Variants in LUC7L observed in about 807,000 individuals in gnomAD.
LUC7L encodes the protein LUC7 like, also known as putative RNA-binding protein Luc7-like 1.
A neutral mutation model predicts 51.1 loss-of-function variants in LUC7L; 29 were observed. The observed-to-expected ratio is 0.57, with a 90% CI of 0.42 to 0.77. The LOEUF (loss-of-function observed/expected upper bound fraction) is 0.77. Ranked by LOEUF, LUC7L falls within the 30% of genes least tolerant of loss-of-function variation. LUC7L has a pLI of 0.00. For missense variants in LUC7L, 403 were observed against 511.9 expected, an observed-to-expected ratio of 0.79 and a Z score of 2.05; for synonymous variants, 181 against 180.7, an observed-to-expected ratio of 1.00 and a Z score of -0.01.
chr16:189,677 G>C, intron 9 of LUC7L: 1 of 1,333,850 alleles, frequency 7.5e-7, no homozygotes, highest in East Asian at 2.7e-5. Context: ...AGGTAAGCAG[G>C]GCCTGGTCAG....
intron 6 of LUC7L, among the ~76,000 whole-genome samples, chr16:194,940 T>A (rs1029276860): frequency 1.1e-4 from 17 of 151,998 alleles, no homozygotes; most frequent in Admixed American, 3.9e-4. Flanking sequence ...TCACGAGTCT[T>A]CTCCATCCAG....
rs549481603 is a variant in LUC7L, at chr16:190,688, T to C, written c.777-118A>G. ...TGAGGTCACGAGCTGGAGACCAGCC[T>C]GGACAACGTGGTGAAACCCCGTCTC... On this transcript the variant is annotated intron_variant, in intron 7 of 9. Transcript: ENST00000293872. 1.5e-4 allele frequency: 130 copies of C among 865,034 alleles called. 1 individual carries two copies. Among genetic ancestry groups the C allele is most frequent in the Middle Eastern group, 1.4e-3 (4 of 2,872 alleles). The allele number at this position is 865,034 out of a possible 1,614,324, so 53.6% of individuals were successfully genotyped here.
intron 6 of LUC7L, among the ~76,000 whole-genome samples, chr16:194,652 T>G (rs1031333568): frequency 6.6e-6 from 1 of 151,972 alleles, no homozygotes; most frequent in African/African-American, 2.4e-5. Context: ...ACAAACTGAG[T>G]TGGAGGACAG....
In LUC7L at chr16:212,264, A is replaced by G. The variant is rs571084598; in HGVS notation, c.256-4076T>C. Reference sequence around the variant, plus strand: ...GCTGAGATCGTGCCATTGCACTCCAACCTGGGCAACAAGAGCGAAACTCCA... The same window carrying G: ...GCTGAGATCGTGCCATTGCACTCCAGCCTGGGCAACAAGAGCGAAACTCCA... On this transcript the variant is annotated intron_variant, in intron 3 of 9. Coordinates refer to ENST00000293872, the MANE Select transcript of LUC7L (RefSeq NM_201412.3). Among the ~76,000 whole-genome samples the G allele has an allele frequency of 4.6e-5, 7 of 152,110 alleles. No homozygotes were observed. In the South Asian group the frequency reaches 1.5e-3, roughly 32 times the overall value.
intron 3 of LUC7L, chr16:209,791 TAC>T (rs949428770): frequency 2.0e-5 from 3 of 152,130 alleles, no homozygotes; most frequent in African/African-American, 7.2e-5. Flanking sequence ...CACAATGGAT[TAC>T]ACAGACACTG....
chr16:226,055 C>T (rs1039647739), intron 2 of LUC7L, among the ~76,000 whole-genome samples: 17 of 152,144 alleles, frequency 1.1e-4, no homozygotes, highest in African/African-American at 3.9e-4. Context: ...TCTGTATTGA[C>T]CTCGGTACAC....
At chr16:199,026 G>A (rs754482957) in intron 6 of LUC7L, 36 bp downstream of exon 6, 44 of 1,559,882 alleles carry the variant, frequency 2.8e-5, no homozygotes, top group Non-Finnish European at 3.8e-5. Context: ...AACACCCCAA[G>A]ACTCCTCAGC....
chr16:229,404 G>C lies in LUC7L; in HGVS notation c.-65C>G, dbSNP rs1042030623. 8.7e-6 allele frequency: 12 copies of C among 1,371,548 alleles called. No homozygotes were observed. The highest frequency in any genetic ancestry group is 1.2e-5 in the Non-Finnish European group (12 of 1,039,402). 85.0% of individuals were successfully genotyped at this position (1,371,548 alleles called of 1,614,324 possible). On this transcript the variant is annotated 5_prime_UTR_variant, in exon 1 of 10. Coordinates refer to ENST00000293872, the MANE Select transcript of LUC7L (RefSeq NM_201412.3). ...CTCTCAGGCAGGCGGTGGCAGCGGC[G>C]TCGACAAACGATGGTCGCGTCGGCC...
intron 7 of LUC7L, 94 bp from the exon 8 acceptor site, chr16:190,664 G>A: frequency 1.8e-6 from 2 of 1,123,060 alleles, no homozygotes; most frequent in East Asian, 2.3e-5. Context: ...GCAATCACCT[G>A]AGGTCACGAG....
At chr16:212,865 C>A (rs1292837214) in intron 3 of LUC7L, among the ~76,000 whole-genome samples, 1 of 151,874 alleles carries the variant, frequency 6.6e-6, no homozygotes, top group Non-Finnish European at 1.5e-5. Flanking sequence ...TTAGCGTTGA[C>A]CTCTCAGGTT....
chr16:190,428 C>T, intron 8 of LUC7L, 113 bp downstream of exon 8: 2 of 1,200,924 alleles, frequency 1.7e-6, no homozygotes, highest in Non-Finnish European at 2.5e-6. Flanking sequence ...GTGCCCTTCA[C>T]AAGCCAGCCC....
At position 189,104 on chromosome 16, in the gene LUC7L, A is replaced by G. The variant is rs2142029375; in HGVS notation, c.*94T>C. 1 of 1,348,206 alleles carries G rather than the reference A, an allele frequency of 7.4e-7. No individual in the cohort carries two copies. The highest frequency in any genetic ancestry group is 2.3e-5 in the East Asian group (1 of 43,172). The allele number at this position is 1,348,206 out of a possible 1,614,324, so 83.5% of individuals were successfully genotyped here. On this transcript the variant is annotated 3_prime_UTR_variant, in exon 10 of 10. Transcript: ENST00000293872. ...AGCTCCAAAACAATAGAAATTTTAAACTACAAAAGATGAGTTGTATTCAGC... is the reference window on the plus strand; with the variant it reads ...AGCTCCAAAACAATAGAAATTTTAAGCTACAAAAGATGAGTTGTATTCAGC...
intron 5 of LUC7L, among the ~76,000 whole-genome samples, chr16:203,881 T>C (rs1175589459): frequency 1.3e-5 from 2 of 151,558 alleles, no homozygotes; most frequent in Admixed American, 6.6e-5. Flanking sequence ...CCAGGTATGG[T>C]GGCACACGCC....
intron 3 of LUC7L, among the ~76,000 whole-genome samples, chr16:218,982 G>C (rs1021172207): frequency 1.1e-4 from 15 of 134,826 alleles, no homozygotes; most frequent in African/African-American, 4.1e-4. Flanking sequence ...ACCTATACCC[G>C]CAGCTACTCA....
intron 3 of LUC7L, among the ~76,000 whole-genome samples, chr16:219,520 A>G (rs1034220017): frequency 7.9e-5 from 12 of 152,162 alleles, no homozygotes; most frequent in Non-Finnish European, 1.6e-4. Flanking sequence ...ATTCACTTAC[A>G]GTCAGCTATA....
intron 2 of LUC7L, among the ~76,000 whole-genome samples, chr16:222,610 G>A (rs1224012578): frequency 6.6e-6 from 1 of 151,930 alleles, no homozygotes; most frequent in Non-Finnish European, 1.5e-5. Flanking sequence ...CTGCACTCCA[G>A]TCTGAGCAAC....
intron 3 of LUC7L, chr16:208,545 C>G (rs927962160): frequency 2.7e-5 from 23 of 857,476 alleles, no homozygotes; most frequent in Non-Finnish European, 3.2e-5. Context: ...TGAGCCTAGA[C>G]TCGTGCTGGA....
At chr16:220,474 G>C in intron 3 of LUC7L, 175 bp downstream of exon 3, 1 of 570,654 alleles carries the variant, frequency 1.8e-6, no homozygotes, top group South Asian at 2.4e-5. Context: ...CTGACAGGAC[G>C]CTGGACACAA....
At chr16:210,468 T>C (rs2049607330) in intron 3 of LUC7L, among the ~76,000 whole-genome samples, 1 of 152,144 alleles carries the variant, frequency 6.6e-6, no homozygotes, top group South Asian at 2.1e-4. Flanking sequence ...GATCCAAGTA[T>C]TAAGGAGCTG....
Sources: allele counts gnomAD v4.1 joint callset (sites outside exome capture counted in the v4.1 genomes callset), GRCh38; gene constraint gnomAD v4.1.1; transcripts MANE v1.5; gene names NCBI Gene and HGNC (gene_info 2026-07-23, HGNC 2026-07-21).